Variants in LRP1B observed in about 807,000 individuals in gnomAD.
The protein encoded by LRP1B is LDL receptor related protein 1B, also known as low-density lipoprotein receptor-related protein 1B.
Under a neutral mutation model 556.6 loss-of-function variants are expected in LRP1B, and 217 were observed. That is an observed-to-expected ratio of 0.39 (90% CI 0.35 to 0.44). LRP1B has a LOEUF of 0.44. Among genes scored for constraint, LRP1B ranks in the 20% least tolerant of loss-of-function variants. The probability of loss-of-function intolerance (pLI) is 1.00; values close to 1 mark genes in which losing one functional copy is unlikely to be tolerated. For synonymous variants in LRP1B, 2,047 were observed against 1,865.8 expected (o/e 1.10, Z -2.50); for missense variants, 5,053 against 5,620.8 (o/e 0.90, Z 3.23).
At chr2:142,059,437 A>G (rs1425353482) in intron 1 of LRP1B, among the ~76,000 whole-genome samples, 2 of 152,132 alleles carry the variant, frequency 1.3e-5, no homozygotes, top group African/African-American at 4.8e-5. Context: ...TGACCATACT[A>G]ATTGACAAAA....
At chr2:141,826,658 C>T (rs187893371) in intron 1 of LRP1B, among the ~76,000 whole-genome samples, 21 of 152,194 alleles carry the variant, frequency 1.4e-4, no homozygotes, top group African/African-American at 4.3e-4. Context: ...CACGCCCGAC[C>T]AGAAGTTTTA....
At chr2:141,813,151 A>G (rs1696413535) in intron 1 of LRP1B, among the ~76,000 whole-genome samples, 1 of 152,218 alleles carries the variant, frequency 6.6e-6, no homozygotes, top group Admixed American at 6.5e-5. Context: ...TAGGGATACG[A>G]TAATGAAAAT....
At chr2:140,431,845 G>A (rs1436250149) in intron 66 of LRP1B, among the ~76,000 whole-genome samples, 1 of 152,066 alleles carries the variant, frequency 6.6e-6, no homozygotes, top group Admixed American at 6.6e-5. Context: ...TCCTACTCTA[G>A]GTTCCCACAC....
intron 58 of LRP1B, among the ~76,000 whole-genome samples, chr2:140,486,027 C>A (rs557825381): frequency 6.6e-6 from 1 of 151,680 alleles, no homozygotes; most frequent in African/African-American, 2.4e-5. Context: ...TTGAACCTAG[C>A]TTAAGGGAGG....
intron 66 of LRP1B, among the ~76,000 whole-genome samples, chr2:140,435,711 T>C (rs1280374965): frequency 6.6e-6 from 1 of 151,804 alleles, no homozygotes; most frequent in Non-Finnish European, 1.5e-5. Flanking sequence ...TAATTGCATA[T>C]CCTTTTGGTG....
At chr2:141,590,906 G>T (rs1013721839) in intron 2 of LRP1B, among the ~76,000 whole-genome samples, 2 of 152,082 alleles carry the variant, frequency 1.3e-5, no homozygotes, top group Non-Finnish European at 2.9e-5. Flanking sequence ...TGTGTGCCTT[G>T]TCTCTCCCTT....
intron 3 of LRP1B, among the ~76,000 whole-genome samples, chr2:141,332,839 G>T (rs1168804739): frequency 6.7e-6 from 1 of 149,450 alleles, no homozygotes; most frequent in Non-Finnish European, 1.5e-5. Context: ...TATGTTTCAG[G>T]GTACTATAAT....
chr2:141,881,440 C>G (rs10182288), intron 1 of LRP1B, among the ~76,000 whole-genome samples: 55,241 of 151,774 alleles, frequency 0.36, 11,278 homozygotes, highest in Admixed American at 0.48. Flanking sequence ...TTATTCAGAA[C>G]CATGATGGTA....
intron 43 of LRP1B, among the ~76,000 whole-genome samples, chr2:140,581,998 C>A (rs994834814): frequency 6.6e-6 from 1 of 152,032 alleles, no homozygotes; most frequent in African/African-American, 2.4e-5. Flanking sequence ...AAATGCAAGG[C>A]ACTGTGAAAG....
intron 3 of LRP1B, among the ~76,000 whole-genome samples, chr2:141,366,955 G>A (rs1305744342): frequency 6.6e-6 from 1 of 152,268 alleles, no homozygotes; most frequent in Non-Finnish European, 1.5e-5. Context: ...AAGATGACAC[G>A]GGAAGGGAAG....
At chr2:140,788,861 T>C (rs1418471405) in intron 32 of LRP1B, among the ~76,000 whole-genome samples, 1 of 152,088 alleles carries the variant, frequency 6.6e-6, no homozygotes, top group Non-Finnish European at 1.5e-5. Context: ...TATGGGTGGA[T>C]CCTAATCCAA....
intron 2 of LRP1B, among the ~76,000 whole-genome samples, chr2:141,487,397 C>T (rs1683160177): frequency 6.6e-6 from 1 of 152,140 alleles, no homozygotes; most frequent in South Asian, 2.1e-4. Flanking sequence ...CATTTTAACT[C>T]CTGGCTAATT....
intron 6 of LRP1B, among the ~76,000 whole-genome samples, chr2:141,214,859 T>C (rs1399838140): frequency 6.6e-6 from 1 of 152,188 alleles, no homozygotes; most frequent in Non-Finnish European, 1.5e-5. Flanking sequence ...AGACCATATC[T>C]TACTGATGAT....
At chr2:141,555,661 T>C (rs936096154) in intron 2 of LRP1B, among the ~76,000 whole-genome samples, 3 of 151,948 alleles carry the variant, frequency 2.0e-5, no homozygotes, top group Non-Finnish European at 2.9e-5. Context: ...TTTTGAAAAA[T>C]TGCCTTCATG....
chr2:140,318,365 G>C (rs1432154166), intron 82 of LRP1B, among the ~76,000 whole-genome samples: 2 of 152,042 alleles, frequency 1.3e-5, no homozygotes, highest in Non-Finnish European at 1.5e-5. Context: ...TGAGGTTTCT[G>C]AAATCATGCC....
At chr2:140,248,242 C>A (rs371006990) in intron 86 of LRP1B, among the ~76,000 whole-genome samples, 1 of 151,528 alleles carries the variant, frequency 6.6e-6, no homozygotes. Context: ...GGCAAATTCT[C>A]ATAAAATCAT....
At chr2:141,188,903 G>C (rs577371258) in intron 6 of LRP1B, among the ~76,000 whole-genome samples, 1 of 151,794 alleles carries the variant, frequency 6.6e-6, no homozygotes, top group Non-Finnish European at 1.5e-5. Flanking sequence ...TAGTTCATTC[G>C]ATGGAATGAA....
Position 140,540,996 on chromosome 2 carries a change from A to C in LRP1B, c.7490T>G (p.Leu2497Trp). ...VNCSCRGDRI[L>W]LEDNRCVTKN... ...ACTCACACATCTGTTGTCCTCTAGC[A>C]ATATTCGGTCCCCTCTGCAGGAACA... The change falls in exon 45 of 91, where the codon TTG (leucine) becomes TGG (tryptophan). Residue 2497 changes from leucine (L) to tryptophan (W), a missense_variant. Transcript: ENST00000389484. The C allele has an allele frequency of 6.2e-7, 1 of 1,611,100 alleles. No homozygotes were observed. Among genetic ancestry groups the C allele is most frequent in the Non-Finnish European group, 8.5e-7 (1 of 1,178,108 alleles).
intron 66 of LRP1B, among the ~76,000 whole-genome samples, chr2:140,398,149 CCA>C (rs1359373689): frequency 1.3e-5 from 2 of 152,000 alleles, no homozygotes; most frequent in Non-Finnish European, 2.9e-5. Context: ...AACTTTATAA[CCA>C]CAGTTAGCAA....
Sources: gnomAD v4.1 joint callset for allele counts (sites outside exome capture counted in the v4.1 genomes callset) on GRCh38, gnomAD v4.1.1 for gene constraint, MANE v1.5 for transcripts, NCBI Gene and HGNC (gene_info 2026-07-23, HGNC 2026-07-21) for gene names.